SLC44A5: variants seen among roughly 807,000 people sequenced by gnomAD.
SLC44A5 encodes choline transporter-like protein 5.
A neutral mutation model predicts 101.8 loss-of-function variants in SLC44A5; 57 were observed. That is an observed-to-expected ratio of 0.56 (90% CI 0.45 to 0.70). The LOEUF is 0.70. Ranked by LOEUF, SLC44A5 falls within the 30% of genes least tolerant of loss-of-function variation. The pLI is 0.00. For missense variants in SLC44A5, 737 were observed against 853.1 expected, an observed-to-expected ratio of 0.86 and a Z score of 1.70; for synonymous variants, 281 against 290.9, an observed-to-expected ratio of 0.97 and a Z score of 0.35.
intron 2 of SLC44A5, among the ~76,000 whole-genome samples, chr1:75,487,073 G>GAC (rs1213192301): frequency 6.6e-6 from 1 of 152,130 alleles, no homozygotes; most frequent in Non-Finnish European, 1.5e-5. Flanking sequence ...TTCTGGTCTT[G>GAC]ACACCAGGAT....
rs149696907 is a variant in SLC44A5, at chr1:75,227,816, G to A, written c.895C>T (p.Arg299Cys). 190 of 1,599,042 alleles carry A rather than the reference G, an allele frequency of 1.2e-4. No individual in the cohort carries two copies. In the African/African-American group the frequency reaches 2.0e-3, roughly 17 times the overall value. The change falls in exon 13 of 24, where the codon CGC (arginine) becomes TGC (cysteine). Residue 299 changes from arginine to cysteine, a missense_variant. Arg to Cys is a radical substitution (Grantham distance 180, BLOSUM62 -3). Around this residue, in one of 3 missense-constraint regions of SLC44A5, gnomAD observed 665 missense variants for 764.4 expected, o/e 0.87. Transcript: ENST00000370859. ...TAGATAGTTAATACAGAACTTGGGC[G>A]TTCCTGAAGATTGGTGTACTGCTGG... is the stretch of plus-strand genomic sequence containing the variant. Reference protein sequence around the residue: ...CYQQYTNLQERPSSVLTIYDI... With the variant: ...CYQQYTNLQECPSSVLTIYDI...
intron 23 of SLC44A5, 52 bp from the exon 24 acceptor site, chr1:75,203,885 G>T (rs1646702944): frequency 2.0e-6 from 3 of 1,491,794 alleles, no homozygotes; most frequent in East Asian, 5.2e-5. Flanking sequence ...TGTAAGAGAA[G>T]TAACACCGCC....
At chr1:75,323,293 A>G (rs974240382) in intron 4 of SLC44A5, among the ~76,000 whole-genome samples, 3 of 151,820 alleles carry the variant, frequency 2.0e-5, no homozygotes, top group African/African-American at 7.3e-5. Context: ...ATGGCTGCAT[A>G]GTGTTCCATG....
At chr1:75,703,636 A>G in the SLC44A5 span, among the ~76,000 whole-genome samples, 1 of 148,756 alleles carries the variant, frequency 6.7e-6, no homozygotes, top group Non-Finnish European at 1.5e-5. Context: ...CATTGTGCTC[A>G]TGTACCCTAA....
chr1:75,621,733 AT>A, the SLC44A5 span, among the ~76,000 whole-genome samples: 2 of 152,256 alleles, frequency 1.3e-5, no homozygotes, highest in East Asian at 3.9e-4. Context: ...TGTATTTTAA[AT>A]TTTTACACAC....
chr1:75,466,650 C>A (rs1271086112), intron 2 of SLC44A5, among the ~76,000 whole-genome samples: 1 of 123,692 alleles, frequency 8.1e-6, no homozygotes. Context: ...TTCAAGATGC[C>A]ATCTTAAAAA....
At chr1:75,406,778 A>T (rs1179832843) in intron 2 of SLC44A5, among the ~76,000 whole-genome samples, 1 of 152,232 alleles carries the variant, frequency 6.6e-6, no homozygotes, top group Non-Finnish European at 1.5e-5. Flanking sequence ...AGCTGGAAGC[A>T]TTCCCTTTGA....
At chr1:75,658,927 A>C in the SLC44A5 span, among the ~76,000 whole-genome samples, 1 of 152,082 alleles carries the variant, frequency 6.6e-6, no homozygotes, top group Non-Finnish European at 1.5e-5. Flanking sequence ...ATAAAATCAG[A>C]AATGAAAAAG....
chr1:75,582,633 C>T (rs1673763641), intron 1 of SLC44A5: 1 of 239,536 alleles, frequency 4.2e-6, no homozygotes, highest in Non-Finnish European at 7.9e-6. Flanking sequence ...CTGCATAGGG[C>T]TGGTGTCCTC....
chr1:75,578,643 G>C (rs1238641789), intron 1 of SLC44A5, among the ~76,000 whole-genome samples: 5 of 152,268 alleles, frequency 3.3e-5, no homozygotes, highest in African/African-American at 1.2e-4. Context: ...GGCAGGTGCA[G>C]GGATGGGGAG....
chr1:75,242,683 A>G (rs937989951), intron 8 of SLC44A5, among the ~76,000 whole-genome samples: 2 of 152,126 alleles, frequency 1.3e-5, no homozygotes, highest in Non-Finnish European at 2.9e-5. Flanking sequence ...ACAGTCTTTC[A>G]TGACACCCCA....
intron 22 of SLC44A5, 43 bp from the exon 23 acceptor site, chr1:75,211,595 G>A: frequency 7.2e-7 from 1 of 1,379,442 alleles, no homozygotes; most frequent in Non-Finnish European, 1.0e-6. Context: ...CATTTACTTT[G>A]ACCAGAAGAA....
chr1:75,358,465 A>G (rs370085860), intron 3 of SLC44A5, among the ~76,000 whole-genome samples: 76 of 152,272 alleles, frequency 5.0e-4, no homozygotes, highest in South Asian at 5.0e-3. Context: ...GGAAAATAAA[A>G]ATTACATATA....
At chr1:75,602,449 T>C (rs1675034205) in intron 1 of SLC44A5, among the ~76,000 whole-genome samples, 1 of 152,106 alleles carries the variant, frequency 6.6e-6, no homozygotes, top group Non-Finnish European at 1.5e-5. Flanking sequence ...TGGTTAAGGA[T>C]TGTGGAGGGG....
At chr1:75,384,732 AC>A (rs1426262532) in intron 3 of SLC44A5, among the ~76,000 whole-genome samples, 2 of 132,382 alleles carry the variant, frequency 1.5e-5, no homozygotes, top group South Asian at 2.8e-4. Flanking sequence ...AGAACTCTCC[AC>A]CCCAAATCAA....
intron 3 of SLC44A5, among the ~76,000 whole-genome samples, chr1:75,388,188 G>A (rs1245605531): frequency 7.9e-6 from 1 of 126,384 alleles, no homozygotes; most frequent in Admixed American, 7.9e-5. Context: ...ATGTGCACAT[G>A]TACCCTAAAA....
intron 2 of SLC44A5, among the ~76,000 whole-genome samples, chr1:75,450,201 C>T (rs1050003098): frequency 6.6e-6 from 1 of 152,120 alleles, no homozygotes; most frequent in Non-Finnish European, 1.5e-5. Context: ...GGCAGAGAGC[C>T]TCCCTCTGTG....
chr1:75,716,505 T>C, the SLC44A5 span, among the ~76,000 whole-genome samples: 40,129 of 151,946 alleles, frequency 0.26, 6,568 homozygotes, highest in East Asian at 0.68. Flanking sequence ...AGGGAATGCT[T>C]ATACACTGCT....
intron 6 of SLC44A5, among the ~76,000 whole-genome samples, chr1:75,273,057 C>T (rs1651618981): frequency 6.6e-6 from 1 of 151,664 alleles, no homozygotes; most frequent in African/African-American, 2.4e-5. Flanking sequence ...GGATTTCTTT[C>T]AGCAGTGTTT....
Sources: gnomAD v4.1 joint callset for allele counts (sites outside exome capture counted in the v4.1 genomes callset) on GRCh38, gnomAD v4.1.1 for gene constraint, gnomAD v4.1.1 regional missense constraint, MANE v1.5 for transcripts, NCBI Gene and HGNC (gene_info 2026-07-23, HGNC 2026-07-21) for gene names.